The following CNTN3 variants were observed in gnomAD, a reference collection of about 807,000 sequenced individuals.
The protein encoded by CNTN3 is contactin 3.
In CNTN3, 60 loss-of-function variants were observed where a neutral mutation model predicts 119.1. That is an observed-to-expected ratio of 0.50 (90% CI 0.41 to 0.62). The LOEUF is 0.62. Among genes scored for constraint, CNTN3 ranks in the 20% least tolerant of loss-of-function variants. The probability of loss-of-function intolerance (pLI) is 0.00; values close to 1 mark genes in which losing one functional copy is unlikely to be tolerated. For missense variants in CNTN3, 1,101 were observed against 1,242.4 expected (o/e 0.89, Z 1.71); for synonymous variants, 450 against 438.7 (o/e 1.03, Z -0.32).
intron 10 of CNTN3, among the ~76,000 whole-genome samples, chr3:74,363,472 C>T (rs1484808549): frequency 6.6e-6 from 1 of 152,164 alleles, no homozygotes. Flanking sequence ...AAAATATCTC[C>T]AGACATTTCT....
At chr3:74,441,083 G>T (rs1268728084) in intron 4 of CNTN3, among the ~76,000 whole-genome samples, 1 of 151,918 alleles carries the variant, frequency 6.6e-6, no homozygotes, top group Non-Finnish European at 1.5e-5. Context: ...TTATAAGCAA[G>T]CAAATGAATG....
At chr3:74,442,096 T>C (rs1206641548) in intron 4 of CNTN3, among the ~76,000 whole-genome samples, 2 of 151,822 alleles carry the variant, frequency 1.3e-5, no homozygotes. Context: ...AGAAATCTAA[T>C]TGTTAGATGA....
Position 74,299,895 on chromosome 3 carries a change from G to T in CNTN3, c.2139C>A (p.Ser713Arg), listed in dbSNP as rs1447143203. Residue 713 changes from serine (S) to arginine (R), a missense_variant, in exon 17 of 23, where the codon AGC (serine) becomes AGA (arginine). By Grantham distance (110) the Ser-to-Arg change is moderately radical (BLOSUM62 -1). Transcript: ENST00000263665. ...PPSEVNGGGG[S>R]RSELVITWDP... Reference sequence around the variant, plus strand: ...CCCAGGTTATCACAAGTTCAGACCGGCTTCCGCCTCCTCCATTGACTTCAG... The same window carrying T: ...CCCAGGTTATCACAAGTTCAGACCGTCTTCCGCCTCCTCCATTGACTTCAG... 1 of 1,606,180 alleles carries T rather than the reference G, an allele frequency of 6.2e-7. No individual in the cohort carries two copies. The highest frequency in any genetic ancestry group is 1.1e-5 in the South Asian group (1 of 88,766).
At chr3:74,463,954 G>C (rs1702416621) in intron 4 of CNTN3, among the ~76,000 whole-genome samples, 1 of 152,132 alleles carries the variant, frequency 6.6e-6, no homozygotes, top group Non-Finnish European at 1.5e-5. Flanking sequence ...ATTTAATGCA[G>C]TTGAAATTTG....
intron 16 of CNTN3, among the ~76,000 whole-genome samples, chr3:74,301,146 G>T (rs558917): frequency 1.3e-5 from 2 of 151,950 alleles, no homozygotes; most frequent in Non-Finnish European, 2.9e-5. Context: ...AGTGACAAAA[G>T]CATATTCACT....
In CNTN3 at chr3:74,595,215, T is replaced by C. The variant is rs373649984; in HGVS notation, c.-81+19176A>G. 3.3e-3 allele frequency among the ~76,000 whole-genome samples: 506 copies of C among 151,632 alleles called. 2 individuals are homozygous for C. Among genetic ancestry groups the C allele is most frequent in the African/African-American group, 0.011 (438 of 41,248 alleles). On this transcript the variant is annotated intron_variant, in intron 1 of 22. Coordinates refer to ENST00000263665, the MANE Select transcript of CNTN3 (RefSeq NM_020872.3). ...TTAGCCCTTTGTCAGATGAGTAGGTTGCAAAAATTTTCTCCCATTTTGTAG... is the reference window on the plus strand; with the variant it reads ...TTAGCCCTTTGTCAGATGAGTAGGTCGCAAAAATTTTCTCCCATTTTGTAG...
intron 1 of CNTN3, among the ~76,000 whole-genome samples, chr3:74,534,090 C>T (rs1003646729): frequency 3.9e-5 from 6 of 152,044 alleles, no homozygotes; most frequent in Non-Finnish European, 7.4e-5. Context: ...CTGTTCGGAA[C>T]TTTACCAAAG....
At chr3:74,488,285 T>C (rs1702896948) in intron 3 of CNTN3, among the ~76,000 whole-genome samples, 1 of 151,892 alleles carries the variant, frequency 6.6e-6, no homozygotes. Context: ...GCTAATTTTT[T>C]TGTATTTTTA....
At chr3:74,285,733 C>T (rs1471597997) in intron 19 of CNTN3, among the ~76,000 whole-genome samples, 1 of 106,754 alleles carries the variant, frequency 9.4e-6, no homozygotes, top group Non-Finnish European at 1.9e-5. Context: ...TAAATTCAAA[C>T]AGAACAAATG....
intron 5 of CNTN3, among the ~76,000 whole-genome samples, chr3:74,424,322 T>C (rs1701660280): frequency 6.6e-6 from 1 of 151,894 alleles, no homozygotes; most frequent in Non-Finnish European, 1.5e-5. Context: ...CAATATAGCA[T>C]AAAATTTGCA....
chr3:74,290,226 G>A (rs1702197455), intron 19 of CNTN3, among the ~76,000 whole-genome samples: 1 of 152,210 alleles, frequency 6.6e-6, no homozygotes, highest in African/African-American at 2.4e-5. Context: ...ACCTATGTTA[G>A]ATGGTGTAGC....
intron 4 of CNTN3, among the ~76,000 whole-genome samples, chr3:74,433,654 C>A (rs1381296008): frequency 6.6e-6 from 1 of 152,066 alleles, no homozygotes; most frequent in Non-Finnish European, 1.5e-5. Flanking sequence ...ATACATTGCT[C>A]CAACACTGTC....
chr3:74,275,597 C>A (rs747023447), intron 20 of CNTN3, among the ~76,000 whole-genome samples: 1 of 151,860 alleles, frequency 6.6e-6, no homozygotes, highest in African/African-American at 2.4e-5. Flanking sequence ...CAAATCGCCA[C>A]GACAAGAACT....
At chr3:74,413,612 T>A (rs77692074) in intron 5 of CNTN3, among the ~76,000 whole-genome samples, 1 of 152,134 alleles carries the variant, frequency 6.6e-6, no homozygotes, top group Non-Finnish European at 1.5e-5. Context: ...AGGAAAATAA[T>A]TGCCCAAGCC....
chr3:74,532,073 T>C (rs1703700161), intron 1 of CNTN3, among the ~76,000 whole-genome samples: 1 of 151,554 alleles, frequency 6.6e-6, no homozygotes, highest in African/African-American at 2.4e-5. Context: ...GGAGAGAAAA[T>C]TAATTTGCTA....
At chr3:74,386,644 C>G (rs957879944) in intron 5 of CNTN3, among the ~76,000 whole-genome samples, 1 of 152,210 alleles carries the variant, frequency 6.6e-6, no homozygotes, top group African/African-American at 2.4e-5. Flanking sequence ...GTTCTGGTAT[C>G]TGCGAGCTCT....
At chr3:74,318,892 G>A (rs944027345) in intron 13 of CNTN3, among the ~76,000 whole-genome samples, 6 of 152,130 alleles carry the variant, frequency 3.9e-5, no homozygotes, top group African/African-American at 1.2e-4. Context: ...CTGTCAGACA[G>A]GGAAATTTAA....
chr3:74,506,223 A>AT (rs1326489082), intron 2 of CNTN3, among the ~76,000 whole-genome samples: 1 of 152,140 alleles, frequency 6.6e-6, no homozygotes, highest in Non-Finnish European at 1.5e-5. Flanking sequence ...GCAGAGTTTG[A>AT]TTTAAAGGTA....
At chr3:74,285,536 T>G in intron 19 of CNTN3, 45 bp from the exon 20 acceptor site, 1 of 1,545,770 alleles carries the variant, frequency 6.5e-7, no homozygotes. Context: ...TAAAAAATTC[T>G]GCCCTTTCCA....
Sources: gnomAD v4.1 joint callset for allele counts (sites outside exome capture counted in the v4.1 genomes callset) on GRCh38, gnomAD v4.1.1 for gene constraint, MANE v1.5 for transcripts, NCBI Gene and HGNC (gene_info 2026-07-23, HGNC 2026-07-21) for gene names.